The following ZNF883 variants were observed in gnomAD, a reference collection of about 807,000 sequenced individuals.
ZNF883 encodes the protein zinc finger protein 883.
intron 1 of ZNF883, among the ~76,000 whole-genome samples, chr9:112,991,908 C>CT (rs1465516258): frequency 1.3e-5 from 2 of 152,242 alleles, no homozygotes; most frequent in South Asian, 4.1e-4. Flanking sequence ...GCAACCTCTG[C>CT]TTTTTTCTGC....
chr9:112,997,265 A>C, exon 1 of ZNF883: 1 of 1,614,156 alleles, frequency 6.2e-7, no homozygotes, highest in Non-Finnish European at 8.5e-7. Context: ...AGCTGAGCTT[A>C]AGCTGAAGGA....
chr9:113,008,926 T>C (rs1828504351), intron 2 of ZNF883, among the ~76,000 whole-genome samples: 1 of 151,934 alleles, frequency 6.6e-6, no homozygotes, highest in Non-Finnish European at 1.5e-5. Flanking sequence ...CTTAGTGAAA[T>C]AGGAAGCATG....
intron 2 of ZNF883, among the ~76,000 whole-genome samples, chr9:113,008,208 C>A (rs991898577): frequency 6.6e-6 from 1 of 152,276 alleles, no homozygotes; most frequent in East Asian, 1.9e-4. Context: ...AAAGCATATT[C>A]TCTTTAATTT....
upstream of ZNF883, among the ~76,000 whole-genome samples, chr9:113,001,124 A>AG (rs1490447250): frequency 6.6e-6 from 1 of 152,162 alleles, no homozygotes; most frequent in Non-Finnish European, 1.5e-5. Flanking sequence ...TCTTCAAAAT[A>AG]ATTTTAGCAG....
intron 2 of ZNF883, among the ~76,000 whole-genome samples, chr9:113,006,582 T>A (rs941846747): frequency 6.6e-6 from 1 of 152,186 alleles, no homozygotes; most frequent in Admixed American, 6.5e-5. Flanking sequence ...CCTTGTGATA[T>A]ATCTGTAACA....
rs150717195 is a variant in ZNF883, at chr9:112,989,651, G to T, written n.310-6072C>A. On this transcript the variant is annotated intron_variant and non_coding_transcript_variant, in intron 1 of 9. Transcript: ENST00000638823. ...CATTAAAGTAGTTTTTTCTAATTCT[G>T]TGAAGAATGTCAATGGTAGTTTAAT... Among the ~76,000 whole-genome samples, 16 of 152,174 alleles carry T rather than the reference G, an allele frequency of 1.1e-4. No individual in the cohort carries two copies. In the East Asian group the frequency reaches 3.1e-3, roughly 29 times the overall value.
intron 2 of ZNF883, among the ~76,000 whole-genome samples, chr9:113,009,657 A>G (rs1828513402): frequency 6.6e-6 from 1 of 151,918 alleles, no homozygotes; most frequent in Admixed American, 6.6e-5. Context: ...CTACAGGCGT[A>G]TGCCGCCACG....
chr9:112,995,553 ATTCCTTCTC>A (rs993089694), downstream of ZNF883, among the ~76,000 whole-genome samples: 62 of 135,202 alleles, frequency 4.6e-4, no homozygotes, highest in African/African-American at 1.3e-3. Flanking sequence ...CTCTCTCTCC[ATTCCTTCTC>A]TTCCTTCTCT....
At chr9:112,989,955 A>C (rs572101801) in intron 1 of ZNF883, among the ~76,000 whole-genome samples, 47 of 152,278 alleles carry the variant, frequency 3.1e-4, no homozygotes, top group African/African-American at 1.1e-3. Flanking sequence ...TGATTTTTGC[A>C]TATTGATTTT....
At chr9:113,004,748 C>T (rs1828458974) in intron 2 of ZNF883, among the ~76,000 whole-genome samples, 1 of 150,894 alleles carries the variant, frequency 6.6e-6, no homozygotes, top group South Asian at 2.1e-4. Flanking sequence ...ATCTAAAACA[C>T]CTATATAATA....
At chr9:113,003,061 T>A (rs889857761), upstream of ZNF883, among the ~76,000 whole-genome samples, 1 of 152,224 alleles carries the variant, frequency 6.6e-6, no homozygotes, top group African/African-American at 2.4e-5. Flanking sequence ...TATTTTGCTA[T>A]AGCAGCACAA....
chr9:113,009,123 G>A (rs1418620313), intron 2 of ZNF883, among the ~76,000 whole-genome samples: 2 of 152,230 alleles, frequency 1.3e-5, no homozygotes, highest in East Asian at 3.9e-4. Flanking sequence ...ATCCAAAATT[G>A]TTCCTTTAAA....
At chr9:113,004,908 A>G (rs919487270) in intron 2 of ZNF883, among the ~76,000 whole-genome samples, 1 of 151,736 alleles carries the variant, frequency 6.6e-6, no homozygotes, top group Non-Finnish European at 1.5e-5. Context: ...TAGGCCCTTT[A>G]TTTTGTGGGG....
chr9:113,009,725 G>A (rs1407576310), intron 2 of ZNF883, among the ~76,000 whole-genome samples: 2 of 152,052 alleles, frequency 1.3e-5, no homozygotes, highest in Non-Finnish European at 2.9e-5. Context: ...GGACAGGATG[G>A]TCTCAATCTC....
chr9:112,996,826 T>TAAAAA (rs1828362165), downstream of ZNF883, among the ~76,000 whole-genome samples: 1 of 94,612 alleles, frequency 1.1e-5, no homozygotes, highest in Non-Finnish European at 2.4e-5. Context: ...AAAAAAAAAG[T>TAAAAA]TTTTTTATAA....
exon 1 of ZNF883, chr9:112,997,487 G>A: frequency 6.2e-7 from 1 of 1,614,098 alleles, no homozygotes; most frequent in Non-Finnish European, 8.5e-7. Flanking sequence ...TCCAGTATGA[G>A]TTCTCTGGTG....
At chr9:113,001,864 G>A (rs1020207705), upstream of ZNF883, 2 of 152,156 alleles carry the variant, frequency 1.3e-5, no homozygotes, top group African/African-American at 4.8e-5. Context: ...AAGTTTTAAA[G>A]AAAAGGACTA....
At chr9:112,992,911 G>T (rs117057834), downstream of ZNF883, among the ~76,000 whole-genome samples, 1 of 151,986 alleles carries the variant, frequency 6.6e-6, no homozygotes. Context: ...GTGTTTTTCC[G>T]CTCCATCAGG....
chr9:112,990,660 A>G (rs1828293894), intron 1 of ZNF883, among the ~76,000 whole-genome samples: 2 of 152,120 alleles, frequency 1.3e-5, no homozygotes, highest in South Asian at 4.1e-4. Flanking sequence ...CTCCTTTTCA[A>G]TTGTTTGGAA....
Sources: allele counts gnomAD v4.1 joint callset (sites outside exome capture counted in the v4.1 genomes callset), GRCh38; gene constraint gnomAD v4.1.1; transcripts MANE v1.5; gene names NCBI Gene and HGNC (gene_info 2026-07-23, HGNC 2026-07-21).